ZNF385B: variants seen among roughly 807,000 people sequenced by gnomAD.
ZNF385B encodes zinc finger protein 385B.
A neutral mutation model predicts 39.2 loss-of-function variants in ZNF385B; 23 were observed. The observed-to-expected ratio is 0.59, with a 90% CI of 0.42 to 0.83. The LOEUF (loss-of-function observed/expected upper bound fraction) is 0.83. Ranked by LOEUF, ZNF385B falls within the 40% of genes least tolerant of loss-of-function variation. The pLI, the probability that ZNF385B is intolerant of heterozygous loss-of-function variation, is 0.00. For synonymous variants in ZNF385B, 205 were observed against 222.6 expected (o/e 0.92, Z 0.70); for missense variants, 552 against 598.9 (o/e 0.92, Z 0.82).
intron 3 of ZNF385B, among the ~76,000 whole-genome samples, chr2:179,634,469 T>C (rs370708753): frequency 6.6e-6 from 1 of 152,162 alleles, no homozygotes; most frequent in Non-Finnish European, 1.5e-5. Flanking sequence ...TCATCACTGG[T>C]CATCAGAGAA....
chr2:179,557,976 G>A (rs1023051053), intron 3 of ZNF385B, among the ~76,000 whole-genome samples: 1 of 152,072 alleles, frequency 6.6e-6, no homozygotes, highest in African/African-American at 2.4e-5. Context: ...TTACAACTAT[G>A]CTTTAACCAT....
chr2:179,860,279 G>C (rs914642996), intron 1 of ZNF385B, among the ~76,000 whole-genome samples: 2 of 152,098 alleles, frequency 1.3e-5, no homozygotes, highest in Non-Finnish European at 2.9e-5. Flanking sequence ...CGTGGGGAGA[G>C]GGGGGATACT....
chr2:179,686,875 A>T (rs1403241858), intron 3 of ZNF385B, among the ~76,000 whole-genome samples: 1 of 151,980 alleles, frequency 6.6e-6, no homozygotes, highest in Non-Finnish European at 1.5e-5. Flanking sequence ...AGCACAGTTC[A>T]TCTGTGGGCT....
chr2:179,564,632 C>T (rs1684343598), intron 3 of ZNF385B, among the ~76,000 whole-genome samples: 1 of 152,120 alleles, frequency 6.6e-6, no homozygotes. Flanking sequence ...TTCATAAACA[C>T]TGTAATCTGG....
At chr2:179,554,821 A>G (rs1270550329) in intron 3 of ZNF385B, among the ~76,000 whole-genome samples, 2 of 149,294 alleles carry the variant, frequency 1.3e-5, no homozygotes, top group Non-Finnish European at 3.0e-5. Context: ...ATCCACAAGA[A>G]TGGTTCAATT....
chr2:179,761,747 A>AT (rs1427594670), intron 3 of ZNF385B, among the ~76,000 whole-genome samples: 49 of 103,294 alleles, frequency 4.7e-4, no homozygotes, highest in East Asian at 1.8e-3. Flanking sequence ...CCTGGCTAAC[A>AT]TTTTTTTTCT....
chr2:179,794,780 CAGG>C (rs1279063491), intron 1 of ZNF385B, among the ~76,000 whole-genome samples: 1 of 151,986 alleles, frequency 6.6e-6, no homozygotes, highest in Non-Finnish European at 1.5e-5. Context: ...AATGTGACTT[CAGG>C]AGTCATCTTG....
At chr2:179,718,077 A>G (rs1700446373) in intron 3 of ZNF385B, among the ~76,000 whole-genome samples, 1 of 152,138 alleles carries the variant, frequency 6.6e-6, no homozygotes, top group Non-Finnish European at 1.5e-5. Context: ...GACATTCATA[A>G]TATCTCATTT....
chr2:179,621,199 A>G (rs891230236), intron 3 of ZNF385B, among the ~76,000 whole-genome samples: 4 of 152,198 alleles, frequency 2.6e-5, no homozygotes, highest in African/African-American at 4.8e-5. Context: ...GAGGAAATCT[A>G]GCAAGTTAAA....
intron 5 of ZNF385B, among the ~76,000 whole-genome samples, chr2:179,508,202 T>A (rs143552428): frequency 1.4e-3 from 212 of 152,328 alleles, no homozygotes; most frequent in Non-Finnish European, 2.7e-3. Flanking sequence ...ACCAAGTATG[T>A]CTTAAAGCCT....
intron 3 of ZNF385B, among the ~76,000 whole-genome samples, chr2:179,676,416 G>A (rs978508694): frequency 2.0e-5 from 3 of 151,874 alleles, no homozygotes; most frequent in Admixed American, 6.6e-5. Flanking sequence ...AGTAGAGATG[G>A]GGTTTCACCG....
intron 3 of ZNF385B, among the ~76,000 whole-genome samples, chr2:179,682,428 T>A (rs1356954457): frequency 2.6e-5 from 4 of 152,214 alleles, no homozygotes; most frequent in East Asian, 3.8e-4. Flanking sequence ...TTAAAACTGA[T>A]CTCTTTTATG....
chr2:179,539,248 GA>G (rs1022562435), intron 4 of ZNF385B, among the ~76,000 whole-genome samples: 3 of 152,162 alleles, frequency 2.0e-5, no homozygotes, highest in African/African-American at 7.2e-5. Flanking sequence ...CCATGGCAAA[GA>G]GGAGGGAAAG....
intron 3 of ZNF385B, among the ~76,000 whole-genome samples, chr2:179,551,947 T>C (rs1342906248): frequency 1.3e-5 from 2 of 150,250 alleles, no homozygotes. Flanking sequence ...CCCATTAGAA[T>C]GTAATTAAAT....
At chr2:179,752,475 G>T (rs1197290168) in intron 3 of ZNF385B, among the ~76,000 whole-genome samples, 5 of 152,300 alleles carry the variant, frequency 3.3e-5, no homozygotes, top group Non-Finnish European at 5.9e-5. Context: ...GGGTCAAATG[G>T]TATTTCTAGT....
At chr2:179,794,623 T>G (rs1342482199) in intron 1 of ZNF385B, among the ~76,000 whole-genome samples, 1 of 152,186 alleles carries the variant, frequency 6.6e-6, no homozygotes, top group East Asian at 1.9e-4. Flanking sequence ...TAGATTTGAT[T>G]TGGCGTAGAG....
chr2:179,849,961 A>G (rs1708994848), intron 1 of ZNF385B, among the ~76,000 whole-genome samples: 1 of 152,238 alleles, frequency 6.6e-6, no homozygotes, highest in Non-Finnish European at 1.5e-5. Context: ...AGATGACCAC[A>G]GAGCTCAACC....
At chr2:179,624,705 T>C (rs561785883) in intron 3 of ZNF385B, among the ~76,000 whole-genome samples, 6 of 152,328 alleles carry the variant, frequency 3.9e-5, no homozygotes, top group African/African-American at 1.2e-4. Flanking sequence ...CATCTTTGTG[T>C]GGAGGTAGAA....
At chr2:179,643,189 A>G (rs1692421803) in intron 3 of ZNF385B, among the ~76,000 whole-genome samples, 1 of 151,970 alleles carries the variant, frequency 6.6e-6, no homozygotes, top group Admixed American at 6.6e-5. Context: ...TTGAATAACT[A>G]GTATTCACCA....
Sources: gnomAD v4.1 joint callset for allele counts (sites outside exome capture counted in the v4.1 genomes callset) on GRCh38, gnomAD v4.1.1 for gene constraint, MANE v1.5 for transcripts, NCBI Gene and HGNC (gene_info 2026-07-23, HGNC 2026-07-21) for gene names.